Variants in UNC13C observed in about 807,000 individuals in gnomAD.
The protein encoded by UNC13C is protein unc-13 homolog C.
A neutral mutation model predicts 245.4 loss-of-function variants in UNC13C; 174 were observed. The observed-to-expected ratio is 0.71, with a 90% CI of 0.63 to 0.80. UNC13C has a LOEUF of 0.80. UNC13C is among the 30% of genes least tolerant of loss of function. UNC13C has a pLI of 0.00. For synonymous variants in UNC13C, 992 were observed against 895.1 expected, an observed-to-expected ratio of 1.11 and a Z score of -1.93; for missense variants, 2,829 against 2,602.9, an observed-to-expected ratio of 1.09 and a Z score of -1.89.
intron 17 of UNC13C, among the ~76,000 whole-genome samples, chr15:54,348,795 C>T (rs994201148): frequency 6.6e-6 from 1 of 152,048 alleles, no homozygotes; most frequent in Admixed American, 6.6e-5. Context: ...TTAAAATGTG[C>T]CCTGAAATGT....
intron 30 of UNC13C, among the ~76,000 whole-genome samples, chr15:54,604,068 C>T (rs973866632): frequency 5.3e-5 from 8 of 152,148 alleles, no homozygotes; most frequent in East Asian, 3.9e-4. Context: ...CTGCCTCTGA[C>T]GCTTTCACCC....
chr15:54,286,738 G>A (rs963697791), intron 10 of UNC13C, among the ~76,000 whole-genome samples: 1 of 152,068 alleles, frequency 6.6e-6, no homozygotes, highest in African/African-American at 2.4e-5. Flanking sequence ...AAAGGAAATT[G>A]GCCAAATAAG....
At chr15:54,257,065 G>T (rs2036298794) in intron 8 of UNC13C, among the ~76,000 whole-genome samples, 1 of 152,212 alleles carries the variant, frequency 6.6e-6, no homozygotes. Flanking sequence ...GTTCCTAGAA[G>T]TCAGAGTCTA....
chr15:54,454,124 G>GAGAT (rs145366923), intron 19 of UNC13C, among the ~76,000 whole-genome samples: 1 of 87,614 alleles, frequency 1.1e-5, no homozygotes, highest in African/African-American at 5.1e-5. Flanking sequence ...TTTTTATTGT[G>GAGAT]ATATATATAT....
intron 19 of UNC13C, among the ~76,000 whole-genome samples, chr15:54,416,253 G>C (rs923730873): frequency 6.6e-6 from 1 of 152,148 alleles, no homozygotes; most frequent in Non-Finnish European, 1.5e-5. Flanking sequence ...AATAGGTTGC[G>C]AGAGTGAGAC....
intron 4 of UNC13C, among the ~76,000 whole-genome samples, chr15:54,153,003 A>G (rs1177503347): frequency 6.6e-6 from 1 of 152,202 alleles, no homozygotes; most frequent in South Asian, 2.1e-4. Flanking sequence ...CAGACTATAT[A>G]GTAGTCAGAG....
intron 24 of UNC13C, among the ~76,000 whole-genome samples, chr15:54,513,972 G>C (rs907173814): frequency 1.3e-5 from 2 of 152,094 alleles, no homozygotes; most frequent in African/African-American, 2.4e-5. Flanking sequence ...TTGATGAAAT[G>C]TCAGGAGGAA....
intron 4 of UNC13C, among the ~76,000 whole-genome samples, chr15:54,222,367 G>C (rs1413724275): frequency 6.6e-6 from 1 of 151,904 alleles, no homozygotes; most frequent in East Asian, 1.9e-4. Context: ...TCTGTGCCTG[G>C]TTTATTTCAC....
chr15:53,956,198 G>A, the UNC13C span, among the ~76,000 whole-genome samples: 7 of 152,118 alleles, frequency 4.6e-5, no homozygotes, highest in Non-Finnish European at 8.8e-5. Flanking sequence ...AGAGGGGCAA[G>A]GGTTGAAAAA....
At chr15:54,301,998 G>C (rs2037597139) in intron 13 of UNC13C, among the ~76,000 whole-genome samples, 1 of 152,066 alleles carries the variant, frequency 6.6e-6, no homozygotes, top group Non-Finnish European at 1.5e-5. Context: ...GCATGTGATG[G>C]TATGTGATTG....
At chr15:54,200,411 G>C (rs1034454720) in intron 4 of UNC13C, among the ~76,000 whole-genome samples, 8 of 152,016 alleles carry the variant, frequency 5.3e-5, no homozygotes, top group African/African-American at 1.9e-4. Context: ...ACATTCTCCT[G>C]GATAGACCAT....
At chr15:54,219,672 A>G (rs565774529) in intron 4 of UNC13C, among the ~76,000 whole-genome samples, 26 of 151,728 alleles carry the variant, frequency 1.7e-4, no homozygotes, top group African/African-American at 6.3e-4. Context: ...AACCTACAAA[A>G]TGGGAGAAAA....
the UNC13C span, among the ~76,000 whole-genome samples, chr15:53,866,696 C>G: frequency 6.6e-6 from 1 of 152,140 alleles, no homozygotes; most frequent in Admixed American, 6.6e-5. Context: ...GACATTGAAG[C>G]TACTGCAAAG....
At chr15:54,394,414 A>T (rs1226378311) in intron 18 of UNC13C, among the ~76,000 whole-genome samples, 1 of 151,674 alleles carries the variant, frequency 6.6e-6, no homozygotes, top group Non-Finnish European at 1.5e-5. Flanking sequence ...TTGCTCTTCT[A>T]TTCTCTTCTG....
intron 7 of UNC13C, among the ~76,000 whole-genome samples, chr15:54,246,467 G>A (rs1159544313): frequency 6.7e-6 from 1 of 148,906 alleles, no homozygotes; most frequent in African/African-American, 2.5e-5. Flanking sequence ...ACATAAAAAA[G>A]AATATGGGAA....
intron 1 of UNC13C, among the ~76,000 whole-genome samples, chr15:54,002,348 G>C (rs191557739): frequency 6.6e-6 from 1 of 151,758 alleles, no homozygotes; most frequent in Non-Finnish European, 1.5e-5. Flanking sequence ...AGTAAGTCTC[G>C]AGTAAGTCGC....
chr15:54,221,363 TATTC>T lies in UNC13C; in HGVS notation c.3072-13661_3072-13658del, dbSNP rs565939161. ...GAATCACCAATTGTACAAACATAAA[TATTC>T]ATTCAGTGTTGACAATAATTGAAAA... is the stretch of plus-strand genomic sequence containing the variant. On this transcript the variant is annotated intron_variant, in intron 4 of 32. Coordinates refer to ENST00000260323, the MANE Select transcript of UNC13C (RefSeq NM_001080534.3). Among the ~76,000 whole-genome samples the T allele has an allele frequency of 2.3e-3, 351 of 152,114 alleles. 1 individual carries two copies. The highest frequency in any genetic ancestry group is 8.1e-3 in the African/African-American group (337 of 41,542).
chr15:54,404,724 T>C (rs1004847776), intron 18 of UNC13C, among the ~76,000 whole-genome samples: 2 of 152,186 alleles, frequency 1.3e-5, no homozygotes, highest in African/African-American at 4.8e-5. Flanking sequence ...TGTATGACAA[T>C]TTCTACAAAG....
At chr15:54,300,843 G>C (rs1442469469) in intron 13 of UNC13C, among the ~76,000 whole-genome samples, 2 of 152,100 alleles carry the variant, frequency 1.3e-5, no homozygotes, top group African/African-American at 4.8e-5. Context: ...CAGGTCCAGA[G>C]CTATTATGGT....
Sources: allele counts gnomAD v4.1 joint callset (sites outside exome capture counted in the v4.1 genomes callset), GRCh38; gene constraint gnomAD v4.1.1; transcripts MANE v1.5; gene names NCBI Gene and HGNC (gene_info 2026-07-23, HGNC 2026-07-21).